CLNS1A: variants seen among roughly 807,000 people sequenced by gnomAD.
CLNS1A encodes the protein methylosome subunit pICln.
A neutral mutation model predicts 29.4 loss-of-function variants in CLNS1A; 16 were observed. That is an observed-to-expected ratio of 0.54 (90% CI 0.37 to 0.83). The LOEUF is 0.83. Ranked by LOEUF, CLNS1A falls within the 40% of genes least tolerant of loss-of-function variation. The probability of loss-of-function intolerance (pLI) is 0.00; values close to 1 mark genes in which losing one functional copy is unlikely to be tolerated. For synonymous variants in CLNS1A, 96 were observed against 104.8 expected, an observed-to-expected ratio of 0.92 and a Z score of 0.51; for missense variants, 235 against 287.4, an observed-to-expected ratio of 0.82 and a Z score of 1.32.
At chr11:77,634,952 C>A (rs1029384400) in intron 1 of CLNS1A, among the ~76,000 whole-genome samples, 9 of 152,018 alleles carry the variant, frequency 5.9e-5, no homozygotes, top group Admixed American at 5.9e-4. Context: ...CGTGCAACCA[C>A]GACCGGCTAA....
chr11:77,621,374 G>T (rs1170148210), intron 5 of CLNS1A, among the ~76,000 whole-genome samples: 1 of 152,058 alleles, frequency 6.6e-6, no homozygotes, highest in Non-Finnish European at 1.5e-5. Flanking sequence ...GAAAGGATAT[G>T]CAACAGAAAA....
rs760929157 is a variant in CLNS1A, at chr11:77,637,601, G to GT, written c.113dup (p.Tyr38Ter). Residue 38 changes from tyrosine (Y) to a stop codon, truncating the protein, a stop_gained and frameshift_variant, in exon 1 of 7, where the codon TAC becomes TAAC. Coordinates refer to ENST00000525428, the MANE Select transcript of CLNS1A (RefSeq NM_001293.3). LOFTEE classifies it high-confidence loss of function. The part of the protein sequence containing the change: ...NGKGLGTGTL[Y>*]IAESRLSWLD... Reference sequence around the variant, plus strand: ...ACCAGGAACCCTACCTCTCAGCGATGTAAAGGGTACCAGTGCCGAGGCCCT... The same window carrying GT: ...ACCAGGAACCCTACCTCTCAGCGATGTTAAAGGGTACCAGTGCCGAGGCCCT... 6.2e-7 allele frequency: 1 copy of GT among 1,602,788 alleles called. No homozygotes were observed. Among genetic ancestry groups the GT allele is most frequent in the Non-Finnish European group, 8.5e-7 (1 of 1,175,088 alleles).
chr11:77,622,281 A>T lies in CLNS1A; in HGVS notation c.646+219T>A, dbSNP rs183527559. On this transcript the variant is annotated intron_variant, in intron 5 of 6. Transcript: ENST00000525428. Reference sequence around the variant, plus strand: ...CTACTTTCTTGCGCACATTAAAAAAATTTTTTTGACTATGAACAAAGACTT... The same window carrying T: ...CTACTTTCTTGCGCACATTAAAAAATTTTTTTTGACTATGAACAAAGACTT... 1.7e-3 allele frequency among the ~76,000 whole-genome samples: 263 copies of T among 152,294 alleles called. 2 individuals carry two copies. The highest frequency in any genetic ancestry group is 6.0e-3 in the African/African-American group (250 of 41,558).
At chr11:77,625,165 A>ATT in intron 3 of CLNS1A, 95 bp from the exon 4 acceptor site, 1 of 806,356 alleles carries the variant, frequency 1.2e-6, no homozygotes, top group South Asian at 1.8e-5. Flanking sequence ...ACGCCACAGT[A>ATT]TTTACAAAAT....
chr11:77,636,109 C>T (rs771316004), intron 1 of CLNS1A, among the ~76,000 whole-genome samples: 5 of 151,912 alleles, frequency 3.3e-5, no homozygotes, highest in Non-Finnish European at 5.9e-5. Flanking sequence ...CTCACTCTGT[C>T]ATGCAGGCTG....
chr11:77,630,760 A>G (rs1359233408), intron 1 of CLNS1A, among the ~76,000 whole-genome samples: 1 of 152,172 alleles, frequency 6.6e-6, no homozygotes, highest in African/African-American at 2.4e-5. Context: ...CACTTAGCAG[A>G]AAAAAAGTAA....
intron 1 of CLNS1A, 65 bp from the exon 2 acceptor site, chr11:77,629,964 T>G: frequency 6.7e-7 from 1 of 1,500,906 alleles, no homozygotes; most frequent in South Asian, 1.2e-5. Flanking sequence ...CCACAAAGTA[T>G]ATAAAAGTTC....
chr11:77,625,159 C>G, intron 3 of CLNS1A, 89 bp from the exon 4 acceptor site: 1 of 856,314 alleles, frequency 1.2e-6, no homozygotes, highest in Non-Finnish European at 1.9e-6. Context: ...CACAAAACGC[C>G]ACAGTATTTA....
chr11:77,627,316 G>A (rs1475614529), intron 2 of CLNS1A, among the ~76,000 whole-genome samples: 1 of 151,422 alleles, frequency 6.6e-6, no homozygotes, highest in African/African-American at 2.4e-5. Context: ...GCGGGAGCCT[G>A]TAGTCCCAGC....
intron 5 of CLNS1A, among the ~76,000 whole-genome samples, chr11:77,620,379 G>C (rs551187892): frequency 2.0e-5 from 3 of 152,328 alleles, no homozygotes; most frequent in Admixed American, 2.0e-4. Context: ...CTTCCACCAC[G>C]ATTGTGAGGT....
intron 5 of CLNS1A, among the ~76,000 whole-genome samples, 193 bp downstream of exon 5, chr11:77,622,307 T>G (rs1193343409): frequency 6.6e-6 from 1 of 152,206 alleles, no homozygotes; most frequent in Admixed American, 6.5e-5. Flanking sequence ...ACAAAGACTT[T>G]TTTGGTAATG....
At chr11:77,632,976 A>G (rs903831204) in intron 1 of CLNS1A, among the ~76,000 whole-genome samples, 4 of 151,270 alleles carry the variant, frequency 2.6e-5, no homozygotes, top group Non-Finnish European at 5.9e-5. Flanking sequence ...AATCCCAGCT[A>G]CTTGGGAGGC....
intron 2 of CLNS1A, among the ~76,000 whole-genome samples, chr11:77,628,032 G>A (rs1261151899): frequency 6.6e-6 from 1 of 152,120 alleles, no homozygotes; most frequent in Non-Finnish European, 1.5e-5. Context: ...CACCATGTTG[G>A]CCAGGATGGT....
intron 2 of CLNS1A, among the ~76,000 whole-genome samples, chr11:77,629,357 G>A (rs937290930): frequency 5.9e-5 from 9 of 151,734 alleles, no homozygotes; most frequent in African/African-American, 1.9e-4. Context: ...TGAGTCAATG[G>A]CCTCAATGTT....
At chr11:77,624,134 G>A (rs1958991307) in intron 4 of CLNS1A, among the ~76,000 whole-genome samples, 1 of 152,146 alleles carries the variant, frequency 6.6e-6, no homozygotes, top group South Asian at 2.1e-4. Context: ...GCATGGTGGC[G>A]CAAGCCTGTA....
chr11:77,630,313 G>T (rs1471310463), intron 1 of CLNS1A, among the ~76,000 whole-genome samples: 1 of 152,118 alleles, frequency 6.6e-6, no homozygotes, highest in African/African-American at 2.4e-5. Context: ...ACTTAACTCT[G>T]TGGTAATGAG....
chr11:77,621,594 G>A (rs1158852299), intron 5 of CLNS1A, among the ~76,000 whole-genome samples: 1 of 152,160 alleles, frequency 6.6e-6, no homozygotes, highest in Non-Finnish European at 1.5e-5. Flanking sequence ...AGTGAGCCAA[G>A]ATCGTGCCAT....
Position 77,628,122 on chromosome 11 carries a change from C to T in CLNS1A, c.262+1641G>A, listed in dbSNP as rs73504731. 5.6e-3 allele frequency among the ~76,000 whole-genome samples: 851 copies of T among 152,310 alleles called. 10 individuals are homozygous for T. The highest frequency in any genetic ancestry group is 0.02 in the African/African-American group (815 of 41,560). ...TACAGGTTTGAGCCACTGTGCCCGGCCTAATGACAGAGTTTTCTTATTCAA... is the reference window on the plus strand; with the variant it reads ...TACAGGTTTGAGCCACTGTGCCCGGTCTAATGACAGAGTTTTCTTATTCAA... On this transcript the variant is annotated intron_variant, in intron 2 of 6. Transcript: ENST00000525428.
rs560488852 is a variant in CLNS1A at position 77,637,479 on chromosome 11, C to T, written c.125+111G>A. On this transcript the variant is annotated intron_variant, in intron 1 of 6. Coordinates refer to ENST00000525428, the MANE Select transcript of CLNS1A (RefSeq NM_001293.3). Reference sequence around the variant, plus strand: ...CCCTGAGGCGTCGGGCACGAGACCCCGCTCCCAGCAGGCCTCCAGGCCGCC... The same window carrying T: ...CCCTGAGGCGTCGGGCACGAGACCCTGCTCCCAGCAGGCCTCCAGGCCGCC... 15 of 1,393,412 alleles carry T rather than the reference C, an allele frequency of 1.1e-5. No homozygotes were observed. The East Asian group carries it at 2.3e-4, about 21-fold the overall frequency. The allele number at this position is 1,393,412 out of a possible 1,614,324, so 86.3% of individuals were successfully genotyped here.
Sources: allele counts gnomAD v4.1 joint callset (sites outside exome capture counted in the v4.1 genomes callset), GRCh38; gene constraint gnomAD v4.1.1; transcripts MANE v1.5; gene names NCBI Gene and HGNC (gene_info 2026-07-23, HGNC 2026-07-21).